ARHGEF9: variants seen among roughly 807,000 people sequenced by gnomAD.
ARHGEF9 encodes Cdc42 guanine nucleotide exchange factor 9.
Under a neutral mutation model 41.3 loss-of-function variants are expected in ARHGEF9, and 2 were observed. The observed-to-expected ratio is 0.05, with a 90% CI of 0.02 to 0.15. ARHGEF9 has a LOEUF of 0.15. Ranked by LOEUF, ARHGEF9 falls within the 10% of genes least tolerant of loss-of-function variation. The pLI is 1.00. For missense variants in ARHGEF9, 225 were observed against 424.7 expected (o/e 0.53, Z 4.13); for synonymous variants, 160 against 154.4 (o/e 1.04, Z -0.27).
intron 1 of ARHGEF9, among the ~76,000 whole-genome samples, chrX:63,761,337 C>A (rs1213281039): frequency 9.0e-6 from 1 of 111,722 alleles, no homozygotes; most frequent in Non-Finnish European, 1.9e-5. Context: ...TTTATTGTCT[C>A]CTTTATAAAA....
intron 1 of ARHGEF9, among the ~76,000 whole-genome samples, chrX:63,761,276 A>C (rs782441426): frequency 6.2e-5 from 7 of 112,214 alleles, no homozygotes; most frequent in Non-Finnish European, 1.3e-4. Context: ...CAAGAAGCAG[A>C]GGCTGGACTT....
chrX:63,665,144 T>A (rs1404454320), intron 7 of ARHGEF9, among the ~76,000 whole-genome samples: 1 of 112,309 alleles, frequency 8.9e-6, no homozygotes, highest in African/African-American at 3.2e-5. Context: ...TGGTCTGAAC[T>A]CTCTACTGTG....
At chrX:63,666,449 T>TATACAC (rs1556348775) in intron 6 of ARHGEF9, among the ~76,000 whole-genome samples, 4 of 19,844 alleles carry the variant, frequency 2.0e-4, no homozygotes, top group Non-Finnish European at 4.2e-4. Context: ...CATATATATA[T>TATACAC]ACATACACAC....
At chrX:63,703,977 A>G (rs2052364257) in intron 3 of ARHGEF9, among the ~76,000 whole-genome samples, 2 of 111,807 alleles carry the variant, frequency 1.8e-5, no homozygotes, top group Admixed American at 1.9e-4. Context: ...GCAAGAGGCC[A>G]GTATAGCTGG....
At chrX:63,688,326 G>A (rs1438472842) in intron 4 of ARHGEF9, among the ~76,000 whole-genome samples, 2 of 111,847 alleles carry the variant, frequency 1.8e-5, no homozygotes, top group Non-Finnish European at 3.8e-5. Context: ...CCAGACAGAA[G>A]CTGAGGGAAT....
intron 8 of ARHGEF9, among the ~76,000 whole-genome samples, chrX:63,646,270 T>G (rs1472389705): frequency 8.9e-6 from 1 of 112,230 alleles, no homozygotes; most frequent in Non-Finnish European, 1.9e-5. Flanking sequence ...TTTGTTGCCA[T>G]TGCTTTTAGT....
chrX:63,713,829 G>C (rs1485648427), intron 2 of ARHGEF9, among the ~76,000 whole-genome samples: 1 of 110,612 alleles, frequency 9.0e-6, no homozygotes, highest in African/African-American at 3.3e-5. Context: ...ATTCCTGCCT[G>C]GCACAAAGAC....
At chrX:63,732,155 C>T (rs1189754029) in intron 1 of ARHGEF9, 1 of 111,969 alleles carries the variant, frequency 8.9e-6, no homozygotes, top group Non-Finnish European at 1.9e-5. Context: ...AAACCCTTGA[C>T]TGCCGCATTC....
intron 7 of ARHGEF9, among the ~76,000 whole-genome samples, chrX:63,658,783 C>T (rs2049033487): frequency 9.0e-6 from 1 of 111,660 alleles, no homozygotes; most frequent in Non-Finnish European, 1.9e-5. Flanking sequence ...GCAAGGGTAA[C>T]TCTGAATATT....
intron 2 of ARHGEF9, among the ~76,000 whole-genome samples, chrX:63,722,123 T>C (rs1161950614): frequency 8.9e-6 from 1 of 112,340 alleles, no homozygotes; most frequent in African/African-American, 3.2e-5. Context: ...CATAGGAAGC[T>C]GCTCAAGTTG....
intron 1 of ARHGEF9, chrX:63,755,932 G>A (rs2055915740): frequency 1.5e-6 from 1 of 645,341 alleles, no homozygotes; most frequent in Non-Finnish European, 1.8e-6. Context: ...AGCCAGCATA[G>A]GGTTAAACAT....
chrX:63,705,796 T>C (rs1556401199), intron 3 of ARHGEF9, among the ~76,000 whole-genome samples: 2 of 111,491 alleles, frequency 1.8e-5, no homozygotes, highest in Admixed American at 9.5e-5. Flanking sequence ...AATTCATGAC[T>C]TGGGGGACAA....
At chrX:63,784,367 G>A (rs1556464029) in intron 1 of ARHGEF9, among the ~76,000 whole-genome samples, 1 of 112,593 alleles carries the variant, frequency 8.9e-6, no homozygotes, top group East Asian at 2.8e-4. Context: ...GAACACCATG[G>A]CATAAAATGA....
At chrX:63,754,751 AG>A in intron 1 of ARHGEF9, 1 of 710,820 alleles carries the variant, frequency 1.4e-6, no homozygotes, top group African/African-American at 2.6e-5. Flanking sequence ...GGGGGAGGGG[AG>A]GGGGATGGGG....
intron 1 of ARHGEF9, among the ~76,000 whole-genome samples, chrX:63,754,058 T>C (rs1469938093): frequency 2.7e-5 from 3 of 111,809 alleles, no homozygotes; most frequent in Non-Finnish European, 5.6e-5. Flanking sequence ...TGACTAAAAT[T>C]CCCTGATGGA....
chrX:63,760,323 G>A (rs1242878482), intron 1 of ARHGEF9, among the ~76,000 whole-genome samples: 2 of 110,913 alleles, frequency 1.8e-5, no homozygotes, highest in African/African-American at 3.3e-5. Flanking sequence ...CTACTGATAC[G>A]ACTAGATGCT....
intron 1 of ARHGEF9, among the ~76,000 whole-genome samples, chrX:63,776,426 T>C (rs1439825651): frequency 3.6e-5 from 4 of 112,322 alleles, no homozygotes; most frequent in Non-Finnish European, 7.5e-5. Flanking sequence ...CAATGAAGGT[T>C]TATTTTTGGA....
chrX:63,693,611 C>CAAA (rs782546360), intron 4 of ARHGEF9, among the ~76,000 whole-genome samples: 3 of 33,585 alleles, frequency 8.9e-5, no homozygotes, highest in African/African-American at 2.7e-4. Context: ...GATTCCATCT[C>CAAA]AAAAAAAAAA....
chrX:63,754,912 G>A (rs2055870436), intron 1 of ARHGEF9: 3 of 940,044 alleles, frequency 3.2e-6, no homozygotes, highest in Non-Finnish European at 2.6e-6. Context: ...AGGGAAAGGC[G>A]GGGGGAACCT....
Sources: allele counts gnomAD v4.1 joint callset (sites outside exome capture counted in the v4.1 genomes callset), GRCh38; gene constraint gnomAD v4.1.1; transcripts MANE v1.5; gene names NCBI Gene and HGNC (gene_info 2026-07-23, HGNC 2026-07-21).